Variants in TRIM24 observed in about 807,000 individuals in gnomAD.
TRIM24 encodes the protein tripartite motif containing 24.
In TRIM24, 29 loss-of-function variants were observed where a neutral mutation model predicts 123.9. The ratio of observed to expected loss-of-function variants is 0.23; its 90% CI spans 0.17 to 0.32. The LOEUF (loss-of-function observed/expected upper bound fraction) is 0.32. TRIM24 is among the 10% of genes least tolerant of loss of function. TRIM24 has a pLI of 1.00. For missense variants in TRIM24, 932 were observed against 1,295.3 expected, an observed-to-expected ratio of 0.72 and a Z score of 4.31; for synonymous variants, 456 against 461.1, an observed-to-expected ratio of 0.99 and a Z score of 0.14.
At chr7:138,574,884 C>A (rs977716546) in intron 12 of TRIM24, among the ~76,000 whole-genome samples, 1 of 151,968 alleles carries the variant, frequency 6.6e-6, no homozygotes, top group Admixed American at 6.6e-5. Flanking sequence ...TTTTAATATG[C>A]CAATTATAAG....
intron 12 of TRIM24, among the ~76,000 whole-genome samples, chr7:138,574,109 A>G (rs895055523): frequency 6.6e-6 from 1 of 152,148 alleles, no homozygotes; most frequent in African/African-American, 2.4e-5. Flanking sequence ...ACTTCTCACC[A>G]TTATAGTACT....
chr7:138,500,474 A>G (rs892385213), intron 1 of TRIM24, among the ~76,000 whole-genome samples: 2 of 151,612 alleles, frequency 1.3e-5, no homozygotes, highest in Non-Finnish European at 2.9e-5. Context: ...GAAGTGGGAG[A>G]ATCACCTGAG....
chr7:138,587,071 G>A lies in TRIM24; in HGVS notation c.*2120G>A, dbSNP rs1029414118. ...AATTATATTAAAAGTAAAGATCGGG[G>A]CTGGGCGCAGTGGCTCACACCTGCA... On this transcript the variant is annotated 3_prime_UTR_variant, in exon 19 of 19. Transcript: ENST00000343526. The A allele has an allele frequency of 1.3e-5, 2 of 152,156 alleles. No individual in the cohort carries two copies. The highest frequency in any genetic ancestry group is 2.4e-5 in the African/African-American group (1 of 41,434). The allele number at this position is 152,156 out of a possible 1,614,324, so 9.4% of individuals were successfully genotyped here. A position where few individuals can be genotyped will look rare whatever the true frequency, so the allele number is the denominator to read the frequency against.
chr7:138,518,302 C>T (rs1358264612), intron 3 of TRIM24, among the ~76,000 whole-genome samples: 1 of 152,112 alleles, frequency 6.6e-6, no homozygotes, highest in Non-Finnish European at 1.5e-5. Context: ...ACTATATGTA[C>T]TTCCATACTT....
chr7:138,522,106 T>C (rs945298039), intron 4 of TRIM24, among the ~76,000 whole-genome samples: 2 of 152,060 alleles, frequency 1.3e-5, no homozygotes, highest in African/African-American at 4.8e-5. Flanking sequence ...TAGCAAGACC[T>C]ATCTCTAAAA....
At chr7:138,465,460 T>G (rs1180563327) in intron 1 of TRIM24, among the ~76,000 whole-genome samples, 5 of 152,204 alleles carry the variant, frequency 3.3e-5, no homozygotes, top group African/African-American at 1.2e-4. Flanking sequence ...TTGAGAGCAG[T>G]TTTTTCCTCT....
intron 7 of TRIM24, among the ~76,000 whole-genome samples, chr7:138,541,472 G>A (rs573658317): frequency 7.7e-4 from 117 of 152,228 alleles, no homozygotes; most frequent in African/African-American, 2.8e-3. Flanking sequence ...TCTGAGCAGT[G>A]GGTCTCAAAA....
At position 138,491,247 on chromosome 7, in the gene TRIM24, T is replaced by A. The variant is rs77240030; in HGVS notation, c.365-13043T>A. The A allele has an allele frequency of 2.9e-3, 691 of 241,104 alleles. 5 individuals carry two copies. The highest frequency in any genetic ancestry group is 0.015 in the African/African-American group (670 of 43,562). 14.9% of individuals were successfully genotyped at this position (241,104 alleles called of 1,614,324 possible). On this transcript the variant is annotated intron_variant, in intron 1 of 18. Coordinates refer to ENST00000343526, the MANE Select transcript of TRIM24 (RefSeq NM_015905.3). ...TTGGTGATTAGTGTCTTTCTGATAT[T>A]TCTTGGACATAGCAGGAGCTTTCAC...
rs1798060375 is a variant in TRIM24, at chr7:138,588,851, A to AGGC, written c.*3900_*3901insGGC. ...GAAACCCCACCTCAACAGAATATAC[A>AGGC]AAAAAATTAGCTGGGTGTGGTGGCG... On this transcript the variant is annotated 3_prime_UTR_variant, in exon 19 of 19. Coordinates refer to ENST00000343526, the MANE Select transcript of TRIM24 (RefSeq NM_015905.3). 3 of 151,940 alleles carry AGGC rather than the reference A, an allele frequency of 2.0e-5. No individual in the cohort carries two copies. Among genetic ancestry groups the AGGC allele is most frequent in the African/African-American group, 7.3e-5 (3 of 41,326 alleles). The allele number at this position is 151,940 out of a possible 1,614,324, so 9.4% of individuals were successfully genotyped here.
rs202115260 is a variant in TRIM24 at position 138,581,691 on chromosome 7, G to A, written c.2719-6G>A. ...TTTATCTCAGTTTTTATTTATTTTT[G>A]CTTAGAAGTGTGAGCGCCTACTTTT... On this transcript the variant is annotated splice_polypyrimidine_tract_variant and splice_region_variant and intron_variant, in intron 16 of 18. Transcript: ENST00000343526. The A allele has an allele frequency of 5.2e-5, 83 of 1,604,950 alleles. No individual in the cohort carries two copies. In the East Asian group the frequency reaches 1.5e-3, roughly 29 times the overall value.
chr7:138,539,891 C>T (rs541576003), intron 7 of TRIM24, among the ~76,000 whole-genome samples: 29 of 150,846 alleles, frequency 1.9e-4, no homozygotes, highest in Admixed American at 7.3e-4. Context: ...AGCTCCACCT[C>T]GCCGGTTCAC....
At chr7:138,562,188 A>C (rs1366274019) in intron 9 of TRIM24, among the ~76,000 whole-genome samples, 1 of 152,120 alleles carries the variant, frequency 6.6e-6, no homozygotes, top group African/African-American at 2.4e-5. Flanking sequence ...AGCAAGGTGC[A>C]GTTGTCATTT....
At chr7:138,535,541 G>A (rs914713428) in intron 6 of TRIM24, among the ~76,000 whole-genome samples, 3 of 152,024 alleles carry the variant, frequency 2.0e-5, no homozygotes, top group African/African-American at 7.3e-5. Context: ...TTGAATATTG[G>A]CCCCTACTCT....
At position 138,568,366 on chromosome 7, in the gene TRIM24, C is replaced by T. The variant is rs556195491; in HGVS notation, c.1704+712C>T. 4.4e-4 allele frequency among the ~76,000 whole-genome samples: 57 copies of T among 130,292 alleles called. No homozygotes were observed. In the South Asian group the frequency reaches 4.8e-3, roughly 11 times the overall value. 85.5% of individuals were successfully genotyped at this position (130,292 alleles called of 152,430 possible). On this transcript the variant is annotated intron_variant, in intron 10 of 18. Coordinates refer to ENST00000343526, the MANE Select transcript of TRIM24 (RefSeq NM_015905.3). ...TCAATCTCCTAAACTCGTAAGCCAC[C>T]GTACCTGGCCTCCTTTTTTTTTTTT...
chr7:138,499,622 GACA>G (rs1349315825), intron 1 of TRIM24, among the ~76,000 whole-genome samples: 2 of 152,164 alleles, frequency 1.3e-5, no homozygotes, highest in Admixed American at 1.3e-4. Context: ...TGGAGGGAAT[GACA>G]GGAACAGAAA....
intron 6 of TRIM24, among the ~76,000 whole-genome samples, chr7:138,534,262 A>T (rs1298306037): frequency 6.6e-6 from 1 of 151,650 alleles, no homozygotes; most frequent in African/African-American, 2.4e-5. Flanking sequence ...CTAGCTTTTG[A>T]ATTTGTTTGC....
intron 1 of TRIM24, among the ~76,000 whole-genome samples, chr7:138,483,702 G>A (rs1795581920): frequency 6.6e-6 from 1 of 152,164 alleles, no homozygotes; most frequent in Non-Finnish European, 1.5e-5. Flanking sequence ...GCCAGGCAGG[G>A]CCACATGATG....
intron 9 of TRIM24, 104 bp from the exon 10 acceptor site, chr7:138,567,377 G>A: frequency 9.8e-7 from 1 of 1,017,554 alleles, no homozygotes; most frequent in Non-Finnish European, 1.4e-6. Flanking sequence ...TGATTGATCT[G>A]TGGCAGAGTT....
At chr7:138,547,933 C>T (rs550640963) in intron 7 of TRIM24, among the ~76,000 whole-genome samples, 1 of 152,304 alleles carries the variant, frequency 6.6e-6, no homozygotes, top group South Asian at 2.1e-4. Flanking sequence ...TGTGAGCCAC[C>T]GTGCCTGGCC....
Sources: allele counts gnomAD v4.1 joint callset (sites outside exome capture counted in the v4.1 genomes callset), GRCh38; gene constraint gnomAD v4.1.1; transcripts MANE v1.5; gene names NCBI Gene and HGNC (gene_info 2026-07-23, HGNC 2026-07-21).